Variants in SH3RF2 observed in about 807,000 individuals in gnomAD.
SH3RF2 encodes the protein SH3 domain containing ring finger 2, also known as E3 ubiquitin-protein ligase SH3RF2.
A neutral mutation model predicts 59.0 loss-of-function variants in SH3RF2; 43 were observed. The observed-to-expected ratio is 0.73, with a 90% CI of 0.57 to 0.94. The LOEUF (loss-of-function observed/expected upper bound fraction) is 0.94, where lower values mean the gene tolerates loss of function less well. Ranked by LOEUF, SH3RF2 falls within the 40% of genes least tolerant of loss-of-function variation. The pLI, the probability that SH3RF2 is intolerant of heterozygous loss-of-function variation, is 0.00. For synonymous variants in SH3RF2, 391 were observed against 391.5 expected (o/e 1.00, Z 0.01); for missense variants, 930 against 940.1 (o/e 0.99, Z 0.14).
At chr5:146,018,071 T>A (rs1464169499) in intron 5 of SH3RF2, among the ~76,000 whole-genome samples, 2 of 152,168 alleles carry the variant, frequency 1.3e-5, no homozygotes, top group African/African-American at 4.8e-5. Flanking sequence ...AAAGATTAGG[T>A]ATTTTTCTTA....
intron 1 of SH3RF2, 84 bp downstream of exon 1, chr5:145,936,778 C>T (rs934260909): frequency 4.6e-5 from 7 of 152,330 alleles, no homozygotes; most frequent in Non-Finnish European, 7.3e-5. Context: ...GGCGCCATCG[C>T]TCATTCTCGG....
chr5:146,013,753 C>T lies in SH3RF2; in HGVS notation c.751C>T (p.Leu251Phe). Reference sequence around the variant, plus strand: ...GGACCTTTTGTCTTTTCAGCCAAACCTCACCGCAAGACACCTTTTAGAGAA... The same window carrying T: ...GGACCTTTTGTCTTTTCAGCCAAACTTCACCGCAAGACACCTTTTAGAGAA... ...IFPILFVEPN[L>F]TARHLLEKNK... The change falls in exon 5 of 10, where the codon CTC becomes TTC. Residue 251 changes from leucine (L) to phenylalanine (F), a missense_variant. Coordinates refer to ENST00000359120, the MANE Select transcript of SH3RF2 (RefSeq NM_152550.4). 1 of 1,613,782 alleles carries T rather than the reference C, an allele frequency of 6.2e-7. No homozygotes were observed. The highest frequency in any genetic ancestry group is 8.5e-7 in the Non-Finnish European group (1 of 1,179,914).
At position 146,062,578 on chromosome 5, in the gene SH3RF2, T is replaced by C. The variant is rs1762939258; in HGVS notation, c.2067T>C (p.Phe689=). Residue 689 remains phenylalanine (F), a synonymous_variant, in exon 10 of 10, where the codon TTT becomes TTC. Transcript: ENST00000359120. ...TGGGCCCAGAGATGACCGTCCTATT[T>C]GCCCACCGAAGTGGCTGCCACTCCG... ...ASLGPEMTVL[F]AHRSGCHSGQ... 6.2e-7 allele frequency: 1 copy of C among 1,614,030 alleles called. No homozygotes were observed. Among genetic ancestry groups the C allele is most frequent in the South Asian group, 1.1e-5 (1 of 91,092 alleles).
chr5:146,045,813 AC>A (rs1762280702), intron 5 of SH3RF2, among the ~76,000 whole-genome samples: 1 of 152,222 alleles, frequency 6.6e-6, no homozygotes. Flanking sequence ...TTGTGTGGAC[AC>A]ATGTTTTCAT....
At chr5:146,020,861 T>C (rs1484821381) in intron 5 of SH3RF2, among the ~76,000 whole-genome samples, 1 of 152,200 alleles carries the variant, frequency 6.6e-6, no homozygotes, top group Non-Finnish European at 1.5e-5. Context: ...TCCACTGTCC[T>C]GCATCCTATG....
downstream of SH3RF2, among the ~76,000 whole-genome samples, chr5:146,064,784 G>GAAGGAAGGAAGGAAGGA (rs1561773698): frequency 5.3e-5 from 2 of 37,692 alleles, no homozygotes; most frequent in Non-Finnish European, 9.9e-5. Flanking sequence ...GGAAAGGAAG[G>GAAGGAAGGAAGGAAGGA]AAGGAAGGAA....
chr5:146,079,964 A>C (rs911001627), exon 10 of SH3RF2: 4 of 152,236 alleles, frequency 2.6e-5, no homozygotes, highest in African/African-American at 9.6e-5. Flanking sequence ...TAATTTTTGC[A>C]CGTGCTGCTT....
intron 2 of SH3RF2, among the ~76,000 whole-genome samples, chr5:145,989,480 GAT>G (rs1759851549): frequency 6.6e-6 from 1 of 152,206 alleles, no homozygotes; most frequent in Admixed American, 6.6e-5. Context: ...AGTGTTCAAA[GAT>G]AGAGAGGCAG....
chr5:146,078,565 T>A (rs527617350), exon 10 of SH3RF2: 1 of 152,310 alleles, frequency 6.6e-6, no homozygotes, highest in South Asian at 2.1e-4. Context: ...GTTTGTGGAC[T>A]GCATGATATT....
chr5:145,967,384 C>T (rs967795499), intron 2 of SH3RF2, among the ~76,000 whole-genome samples: 4 of 152,140 alleles, frequency 2.6e-5, no homozygotes, highest in Admixed American at 6.5e-5. Flanking sequence ...AAAAAAAATC[C>T]CACAGAAGTG....
chr5:146,062,455 C>T lies in SH3RF2; in HGVS notation c.1944C>T (p.Tyr648=). ...KQVKTVRFQN[Y]SPPPTKHYTS... Reference sequence around the variant, plus strand: ...TCAAAACCGTGAGATTTCAGAATTACAGCCCTCCTCCCACCAAACATTACA... The same window carrying T: ...TCAAAACCGTGAGATTTCAGAATTATAGCCCTCCTCCCACCAAACATTACA... The change falls in exon 10 of 10, where the codon TAC becomes TAT. Residue 648 remains tyrosine, a synonymous_variant. Coordinates refer to ENST00000359120, the MANE Select transcript of SH3RF2 (RefSeq NM_152550.4). 6.2e-7 allele frequency: 1 copy of T among 1,614,086 alleles called. No individual in the cohort carries two copies. The highest frequency in any genetic ancestry group is 1.1e-5 in the South Asian group (1 of 91,050).
chr5:145,971,866 GTGATAA>G (rs1332070923), intron 2 of SH3RF2, among the ~76,000 whole-genome samples: 4 of 146,530 alleles, frequency 2.7e-5, no homozygotes, highest in African/African-American at 8.0e-5. Flanking sequence ...AGAAATAATA[GTGATAA>G]TGATGATGAT....
At chr5:146,049,268 CTT>C (rs1420071235) in intron 7 of SH3RF2, 23 bp downstream of exon 7, 1 of 1,582,840 alleles carries the variant, frequency 6.3e-7, no homozygotes, top group Non-Finnish European at 8.6e-7. Flanking sequence ...CAATCCCAGA[CTT>C]TGGGAGGTTG....
At chr5:146,016,583 A>G (rs1761116491) in intron 5 of SH3RF2, among the ~76,000 whole-genome samples, 1 of 152,172 alleles carries the variant, frequency 6.6e-6, no homozygotes, top group African/African-American at 2.4e-5. Context: ...TTAAGGCCCC[A>G]AAAGAAAAAT....
intron 2 of SH3RF2, among the ~76,000 whole-genome samples, chr5:145,973,918 A>G (rs1759184833): frequency 6.6e-6 from 1 of 152,186 alleles, no homozygotes; most frequent in Admixed American, 6.5e-5. Flanking sequence ...TGTGTAACAA[A>G]TCATCACAAA....
chr5:146,053,785 G>A (rs1014832229), intron 7 of SH3RF2, among the ~76,000 whole-genome samples: 1 of 152,048 alleles, frequency 6.6e-6, no homozygotes, highest in Non-Finnish European at 1.5e-5. Context: ...GTGCCTTATG[G>A]GTGGAGAAAA....
In SH3RF2 at chr5:146,062,695, C is replaced by T; in HGVS notation, c.2184C>T (p.Ser728=). The T allele has an allele frequency of 6.2e-7, 1 of 1,612,230 alleles. No homozygotes were observed. The highest frequency in any genetic ancestry group is 1.1e-5 in the South Asian group (1 of 90,960). ...CAGGCACGCAGACCGTGTTTCCCAG[C>T]AAATGAACCTACGGGTGGCTTTTCC... ...TASGTQTVFP[S]K The change falls in exon 10 of 10, where the codon AGC becomes AGT. Residue 728 remains serine (S), a synonymous_variant. Coordinates refer to ENST00000359120, the MANE Select transcript of SH3RF2 (RefSeq NM_152550.4).
intron 2 of SH3RF2, 140 bp downstream of exon 2, chr5:145,938,446 G>C: frequency 2.9e-6 from 3 of 1,038,708 alleles, no homozygotes; most frequent in Non-Finnish European, 4.0e-6. Context: ...TGTGGGCAGT[G>C]ATCATTTTAC....
intron 9 of SH3RF2, among the ~76,000 whole-genome samples, chr5:146,071,827 T>C (rs1207230991): frequency 6.6e-6 from 1 of 152,196 alleles, no homozygotes; most frequent in African/African-American, 2.4e-5. Context: ...ATGCACCTCC[T>C]AGTAGAGTTC....
Sources: allele counts gnomAD v4.1 joint callset (sites outside exome capture counted in the v4.1 genomes callset), GRCh38; gene constraint gnomAD v4.1.1; transcripts MANE v1.5; gene names NCBI Gene and HGNC (gene_info 2026-07-23, HGNC 2026-07-21).